Variants in SDK1 observed in about 807,000 individuals in gnomAD.
SDK1 encodes sidekick cell adhesion molecule 1.
A neutral mutation model predicts 245.5 loss-of-function variants in SDK1; 157 were observed. That is an observed-to-expected ratio of 0.64 (90% CI 0.56 to 0.73). The LOEUF is 0.73. SDK1 is among the 30% of genes least tolerant of loss of function. SDK1 has a pLI of 0.00. For synonymous variants in SDK1, 1,647 were observed against 1,278.5 expected (o/e 1.29, Z -6.15); for missense variants, 3,583 against 3,002.3 (o/e 1.19, Z -4.52).
chr7:3,782,239 A>G (rs1389893561), intron 4 of SDK1, among the ~76,000 whole-genome samples: 1 of 152,220 alleles, frequency 6.6e-6, no homozygotes, highest in Non-Finnish European at 1.5e-5. Flanking sequence ...CTTGTCTCAC[A>G]TCGCTAGAGC....
At chr7:3,346,827 A>ATATATATTT (rs1228887289) in intron 1 of SDK1, among the ~76,000 whole-genome samples, 5 of 16,388 alleles carry the variant, frequency 3.1e-4, no homozygotes, top group African/African-American at 9.3e-4. Context: ...ATATATATAT[A>ATATATATTT]TTTTTTTTTT....
In SDK1 at chr7:3,479,592, G is replaced by T. The variant is rs942798496; in HGVS notation, c.299-139488G>T. 6.6e-5 allele frequency among the ~76,000 whole-genome samples: 10 copies of T among 152,076 alleles called. No homozygotes were observed. The East Asian group carries it at 1.6e-3, about 24-fold the overall frequency. On this transcript the variant is annotated intron_variant, in intron 1 of 44. Coordinates refer to ENST00000404826, the MANE Select transcript of SDK1 (RefSeq NM_152744.4). ...AAATTACTTCACTAAGGCCAGGCAT[G>T]GTGGCTCACGCCTGTAATCCCAGCA...
intron 1 of SDK1, among the ~76,000 whole-genome samples, chr7:3,437,978 C>G (rs947036588): frequency 1.3e-5 from 2 of 152,130 alleles, no homozygotes; most frequent in Non-Finnish European, 2.9e-5. Context: ...TACACTCTCT[C>G]ATTTAATCCT....
At chr7:3,467,904 G>A (rs1256588131) in intron 1 of SDK1, among the ~76,000 whole-genome samples, 1 of 152,014 alleles carries the variant, frequency 6.6e-6, no homozygotes, top group African/African-American at 2.4e-5. Flanking sequence ...GTTTATTAGA[G>A]ATCTTTTATG....
At chr7:3,642,356 C>A (rs1013551319) in intron 4 of SDK1, among the ~76,000 whole-genome samples, 5 of 152,136 alleles carry the variant, frequency 3.3e-5, no homozygotes, top group Admixed American at 1.3e-4. Context: ...GCAGCCTTAC[C>A]CAACTTTGCA....
intron 1 of SDK1, among the ~76,000 whole-genome samples, chr7:3,511,519 G>A (rs897922496): frequency 6.6e-6 from 1 of 152,080 alleles, no homozygotes; most frequent in African/African-American, 2.4e-5. Context: ...AAATTTATTA[G>A]TCAAATTGTC....
At chr7:4,049,294 C>A in intron 17 of SDK1, 54 bp from the exon 18 acceptor site, 1 of 1,379,930 alleles carries the variant, frequency 7.2e-7, no homozygotes, top group Non-Finnish European at 1.0e-6. Context: ...TCTCTCCACC[C>A]CATGGTCCCT....
intron 17 of SDK1, among the ~76,000 whole-genome samples, chr7:4,022,919 G>A (rs958829129): frequency 4.6e-5 from 7 of 151,716 alleles, no homozygotes; most frequent in Non-Finnish European, 7.4e-5. Flanking sequence ...GACCACAGGC[G>A]CCCGCCAACA....
chr7:3,349,261 A>T (rs1368203867), intron 1 of SDK1, among the ~76,000 whole-genome samples: 1 of 152,172 alleles, frequency 6.6e-6, no homozygotes, highest in Middle Eastern at 3.2e-3. Context: ...CTTTGACTTT[A>T]TGAGGGCTGT....
In SDK1 at chr7:3,598,468, C is replaced by T. The variant is rs1386506799; in HGVS notation, c.299-20612C>T. On this transcript the variant is annotated intron_variant, in intron 1 of 44. Transcript: ENST00000404826. ...AGTAATACACAGAGATCCCGTGTAC[C>T]CATGTAGACTCTCCCAATGGTAACA... Among the ~76,000 whole-genome samples the T allele has an allele frequency of 3.9e-5, 6 of 152,016 alleles. No individual in the cohort carries two copies. In the South Asian group the frequency reaches 1.0e-3, roughly 26 times the overall value.
At chr7:4,070,808 C>G (rs1281570398) in intron 20 of SDK1, among the ~76,000 whole-genome samples, 1 of 151,554 alleles carries the variant, frequency 6.6e-6, no homozygotes, top group Non-Finnish European at 1.5e-5. Flanking sequence ...CTCCTGGGTT[C>G]AAGCAATTAT....
At chr7:4,225,804 C>A (rs569329342) in intron 40 of SDK1, among the ~76,000 whole-genome samples, 1 of 152,250 alleles carries the variant, frequency 6.6e-6, no homozygotes, top group Admixed American at 6.5e-5. Flanking sequence ...CAAGATGTGA[C>A]AACAGACTTA....
At chr7:4,012,065 C>T in intron 15 of SDK1, 30 bp from the exon 16 acceptor site, 2 of 1,459,758 alleles carry the variant, frequency 1.4e-6, no homozygotes, top group South Asian at 1.6e-5. Context: ...GTACTCATCT[C>T]TCTTGTTCCT....
chr7:4,206,404 C>T (rs536668316), intron 36 of SDK1, among the ~76,000 whole-genome samples: 5 of 152,206 alleles, frequency 3.3e-5, no homozygotes, highest in African/African-American at 4.8e-5. Flanking sequence ...CCAGCTCCCC[C>T]CTTGGTCACA....
intron 1 of SDK1, among the ~76,000 whole-genome samples, chr7:3,403,697 G>GAATAGTCT (rs1361876565): frequency 6.6e-6 from 1 of 150,884 alleles, no homozygotes; most frequent in African/African-American, 2.4e-5. Flanking sequence ...CTACCTAAGA[G>GAATAGTCT]AATAGTCTAT....
At chr7:3,912,915 G>C (rs905164097) in intron 5 of SDK1, among the ~76,000 whole-genome samples, 3 of 152,242 alleles carry the variant, frequency 2.0e-5, no homozygotes, top group African/African-American at 7.2e-5. Context: ...GTTCCCACGA[G>C]ATGCAAGTCA....
intron 1 of SDK1, among the ~76,000 whole-genome samples, chr7:3,557,339 A>C (rs1779619740): frequency 1.3e-5 from 2 of 152,214 alleles, no homozygotes; most frequent in South Asian, 4.1e-4. Flanking sequence ...ACTAAGAAGA[A>C]ATGAGGTCAG....
At chr7:3,539,452 A>G (rs1216738640) in intron 1 of SDK1, among the ~76,000 whole-genome samples, 2 of 152,174 alleles carry the variant, frequency 1.3e-5, no homozygotes, top group Non-Finnish European at 2.9e-5. Context: ...TACCTGGAGT[A>G]CGCAGAAGAG....
rs113323745 is a variant in SDK1 at position 3,771,436 on chromosome 7, A to C, written c.714-50014A>C. Reference sequence around the variant, plus strand: ...AGCAGAGGTACAGGGGAGCATAAAGAATCGAGGCCGTTTTTATAATAAACT... The same window carrying C: ...AGCAGAGGTACAGGGGAGCATAAAGCATCGAGGCCGTTTTTATAATAAACT... On this transcript the variant is annotated intron_variant, in intron 4 of 44. Transcript: ENST00000404826. Among the ~76,000 whole-genome samples, 100 of 152,254 alleles carry C rather than the reference A, an allele frequency of 6.6e-4. 1 individual carries two copies. Among genetic ancestry groups the C allele is most frequent in the African/African-American group, 2.3e-3 (96 of 41,548 alleles).
Sources: gnomAD v4.1 joint callset for allele counts (sites outside exome capture counted in the v4.1 genomes callset) on GRCh38, gnomAD v4.1.1 for gene constraint, MANE v1.5 for transcripts, NCBI Gene and HGNC (gene_info 2026-07-23, HGNC 2026-07-21) for gene names.